Variants in SLC4A4 observed in about 807,000 individuals in gnomAD.
The protein encoded by SLC4A4 is electrogenic sodium bicarbonate cotransporter 1.
In SLC4A4, 27 loss-of-function variants were observed where a neutral mutation model predicts 111.5. The observed-to-expected ratio is 0.24, with a 90% CI of 0.18 to 0.33. The LOEUF is 0.33. Ranked by LOEUF, SLC4A4 falls within the 10% of genes least tolerant of loss-of-function variation. The pLI is 1.00. For missense variants in SLC4A4, 909 were observed against 1,315.5 expected, an observed-to-expected ratio of 0.69 and a Z score of 4.78; for synonymous variants, 443 against 463.4, an observed-to-expected ratio of 0.96 and a Z score of 0.57.
chr4:71,478,470 A>T (rs979808681), intron 14 of SLC4A4, among the ~76,000 whole-genome samples: 1 of 151,906 alleles, frequency 6.6e-6, no homozygotes, highest in African/African-American at 2.4e-5. Flanking sequence ...GACATGGATG[A>T]AGCTGGAAAC....
intron 1 of SLC4A4, among the ~76,000 whole-genome samples, chr4:71,200,621 G>T (rs1441336564): frequency 6.6e-6 from 1 of 152,148 alleles, no homozygotes; most frequent in African/African-American, 2.4e-5. Context: ...AATGTATCCT[G>T]GGCTGGAAAG....
At chr4:71,407,436 A>T (rs1227645566) in intron 7 of SLC4A4, among the ~76,000 whole-genome samples, 1 of 152,212 alleles carries the variant, frequency 6.6e-6, no homozygotes, top group East Asian at 1.9e-4. Context: ...ATTCACACCG[A>T]ATAAACTGTG....
intron 1 of SLC4A4, among the ~76,000 whole-genome samples, chr4:71,081,502 C>T (rs1741992869): frequency 6.6e-6 from 1 of 152,128 alleles, no homozygotes; most frequent in African/African-American, 2.4e-5. Context: ...TAGCTCTTAT[C>T]TCAGGTACCT....
At chr4:71,558,719 A>G (rs1299959794) in intron 22 of SLC4A4, among the ~76,000 whole-genome samples, 1 of 151,860 alleles carries the variant, frequency 6.6e-6, no homozygotes, top group African/African-American at 2.4e-5. Context: ...ACTCTTAGCC[A>G]GTATTATTAT....
At chr4:71,566,573 A>G (rs766998883) in intron 24 of SLC4A4, among the ~76,000 whole-genome samples, 5 of 151,828 alleles carry the variant, frequency 3.3e-5, no homozygotes, top group Non-Finnish European at 7.4e-5. Context: ...GTTTATCTTT[A>G]TAATCCATGA....
At chr4:71,226,884 T>C (rs1388988572) in intron 1 of SLC4A4, among the ~76,000 whole-genome samples, 1 of 152,020 alleles carries the variant, frequency 6.6e-6, no homozygotes, top group Non-Finnish European at 1.5e-5. Flanking sequence ...TCACTACACA[T>C]AGTCACTACA....
At chr4:71,195,147 A>T (rs1307393810) in intron 1 of SLC4A4, among the ~76,000 whole-genome samples, 1 of 152,002 alleles carries the variant, frequency 6.6e-6, no homozygotes, top group Non-Finnish European at 1.5e-5. Flanking sequence ...TTGCAGCAGA[A>T]GAAACTTGGA....
intron 7 of SLC4A4, among the ~76,000 whole-genome samples, chr4:71,421,514 C>T (rs1194984640): frequency 3.9e-5 from 6 of 152,146 alleles, no homozygotes; most frequent in South Asian, 2.1e-4. Flanking sequence ...ACTCTCCACC[C>T]CAAATCAACA....
intron 12 of SLC4A4, among the ~76,000 whole-genome samples, chr4:71,456,294 G>C (rs1206109734): frequency 1.3e-5 from 2 of 151,928 alleles, no homozygotes; most frequent in Non-Finnish European, 2.9e-5. Flanking sequence ...ATACAATTTT[G>C]ATACATCTAG....
chr4:71,236,433 T>C (rs1719813998), intron 1 of SLC4A4, 143 bp from the exon 2 acceptor site: 3 of 797,946 alleles, frequency 3.8e-6, no homozygotes, highest in East Asian at 5.8e-5. Context: ...CGTGAAGCAG[T>C]AGCAGACACC....
chr4:71,559,013 A>G (rs1177435621), intron 22 of SLC4A4, among the ~76,000 whole-genome samples: 1 of 151,948 alleles, frequency 6.6e-6, no homozygotes, highest in Non-Finnish European at 1.5e-5. Context: ...TATCCAATAA[A>G]TCACTTTTTG....
At chr4:71,356,194 A>G (rs958367897) in intron 5 of SLC4A4, among the ~76,000 whole-genome samples, 1 of 152,182 alleles carries the variant, frequency 6.6e-6, no homozygotes, top group African/African-American at 2.4e-5. Flanking sequence ...CTTATTTTCT[A>G]TTGGCATAAG....
chr4:71,211,771 G>GT (rs66777834), intron 1 of SLC4A4, among the ~76,000 whole-genome samples: 31 of 140,180 alleles, frequency 2.2e-4, no homozygotes, highest in African/African-American at 6.7e-4. Flanking sequence ...GAATTTATCT[G>GT]TTTTTTTTTT....
chr4:71,108,027 T>C (rs1399513185), intron 2 of SLC4A4, among the ~76,000 whole-genome samples: 2 of 152,310 alleles, frequency 1.3e-5, no homozygotes, highest in East Asian at 3.9e-4. Context: ...TATACCATAT[T>C]AACTTCAATA....
chr4:71,284,767 C>T (rs80231862), intron 3 of SLC4A4, among the ~76,000 whole-genome samples: 7 of 152,108 alleles, frequency 4.6e-5, no homozygotes, highest in South Asian at 2.1e-4. Flanking sequence ...CATTTTGCTC[C>T]GCATTCTTTT....
intron 2 of SLC4A4, among the ~76,000 whole-genome samples, chr4:71,138,933 G>T (rs1743919537): frequency 6.6e-6 from 1 of 151,762 alleles, no homozygotes; most frequent in South Asian, 2.1e-4. Flanking sequence ...CTACTCAGGA[G>T]GCTGAGGCGG....
At chr4:71,172,666 T>G (rs1744977885) in intron 2 of SLC4A4, among the ~76,000 whole-genome samples, 1 of 152,248 alleles carries the variant, frequency 6.6e-6, no homozygotes, top group Non-Finnish European at 1.5e-5. Context: ...CTAATTTCTG[T>G]GTAATTCTGA....
intron 16 of SLC4A4, 77 bp downstream of exon 16, chr4:71,497,769 A>G (rs1475112278): frequency 2.4e-6 from 3 of 1,225,130 alleles, no homozygotes; most frequent in African/African-American, 1.5e-5. Context: ...AAGGTGAAAA[A>G]GGCACCTGTA....
At chr4:71,537,259 G>T (rs560186742) in intron 18 of SLC4A4, among the ~76,000 whole-genome samples, 1 of 135,178 alleles carries the variant, frequency 7.4e-6, no homozygotes, top group South Asian at 2.4e-4. Flanking sequence ...TTATGAAAAG[G>T]TAATGAGTTA....
Sources: gnomAD v4.1 joint callset for allele counts (sites outside exome capture counted in the v4.1 genomes callset) on GRCh38, gnomAD v4.1.1 for gene constraint, MANE v1.5 for transcripts, NCBI Gene and HGNC (gene_info 2026-07-23, HGNC 2026-07-21) for gene names.